Variants in GALNT13 observed in about 807,000 individuals in gnomAD.
GALNT13 encodes the protein polypeptide N-acetylgalactosaminyltransferase 13.
GALNT13 carries 28 observed loss-of-function variants against 64.2 expected under a neutral mutation model. That is an observed-to-expected ratio of 0.44 (90% CI 0.32 to 0.60). The LOEUF is 0.60. Among genes scored for constraint, GALNT13 ranks in the 20% least tolerant of loss-of-function variants. The pLI, the probability that GALNT13 is intolerant of heterozygous loss-of-function variation, is 0.05. For missense variants in GALNT13, 577 were observed against 669.8 expected (o/e 0.86, Z 1.53); for synonymous variants, 214 against 224.6 (o/e 0.95, Z 0.42).
At chr2:153,194,934 C>T in the GALNT13 span, among the ~76,000 whole-genome samples, 39 of 152,216 alleles carry the variant, frequency 2.6e-4, no homozygotes, top group Admixed American at 2.2e-3. Context: ...AATAGACTGC[C>T]GAGGCTAGTT....
chr2:154,296,220 T>A (rs115576669), intron 8 of GALNT13, among the ~76,000 whole-genome samples: 148 of 152,316 alleles, frequency 9.7e-4, no homozygotes, highest in African/African-American at 3.2e-3. Context: ...ACTGGACCTA[T>A]CAATTCTGCT....
At chr2:153,555,090 A>G in the GALNT13 span, among the ~76,000 whole-genome samples, 5 of 152,050 alleles carry the variant, frequency 3.3e-5, no homozygotes, top group Admixed American at 6.5e-5. Flanking sequence ...TTATGTTTCT[A>G]TAACTTGTAT....
chr2:153,417,720 C>T, the GALNT13 span, among the ~76,000 whole-genome samples: 2 of 151,992 alleles, frequency 1.3e-5, no homozygotes, highest in Admixed American at 1.3e-4. Flanking sequence ...TGAGAAGTTC[C>T]ACTTGGAGTA....
chr2:154,306,010 G>A (rs1280413319), intron 9 of GALNT13, among the ~76,000 whole-genome samples: 1 of 152,218 alleles, frequency 6.6e-6, no homozygotes, highest in South Asian at 2.1e-4. Context: ...TTATCCATGG[G>A]TGTCTGGTTT....
At chr2:153,227,011 A>G in the GALNT13 span, among the ~76,000 whole-genome samples, 3 of 152,294 alleles carry the variant, frequency 2.0e-5, no homozygotes, top group Admixed American at 2.0e-4. Context: ...TTTTTCTTGA[A>G]GGAGAGAGTG....
At chr2:153,568,349 C>T in the GALNT13 span, among the ~76,000 whole-genome samples, 1 of 152,092 alleles carries the variant, frequency 6.6e-6, no homozygotes, top group Non-Finnish European at 1.5e-5. Context: ...TCCCAAAGTG[C>T]TGGGATTACA....
At chr2:153,650,398 T>A in the GALNT13 span, among the ~76,000 whole-genome samples, 1 of 140,650 alleles carries the variant, frequency 7.1e-6, no homozygotes, top group Non-Finnish European at 1.5e-5. Flanking sequence ...AGCACACTGG[T>A]GGATCTTGAC....
At chr2:153,518,724 G>A in the GALNT13 span, among the ~76,000 whole-genome samples, 1 of 152,140 alleles carries the variant, frequency 6.6e-6, no homozygotes, top group Admixed American at 6.5e-5. Context: ...ATATCTATTA[G>A]ATGGTGAAAT....
chr2:153,763,300 G>A, the GALNT13 span, among the ~76,000 whole-genome samples: 1 of 152,026 alleles, frequency 6.6e-6, no homozygotes, highest in Non-Finnish European at 1.5e-5. Flanking sequence ...ATTCCGGTAG[G>A]TCAGGCCTAG....
At chr2:153,092,909 T>C in the GALNT13 span, among the ~76,000 whole-genome samples, 1 of 151,768 alleles carries the variant, frequency 6.6e-6, no homozygotes, top group Non-Finnish European at 1.5e-5. Flanking sequence ...GTGGTGACAG[T>C]GGGCATCCTT....
At chr2:153,351,701 G>T in the GALNT13 span, among the ~76,000 whole-genome samples, 1 of 152,234 alleles carries the variant, frequency 6.6e-6, no homozygotes, top group Non-Finnish European at 1.5e-5. Flanking sequence ...CAGATAGTTG[G>T]ATCACACAGT....
At chr2:154,238,676 G>A (rs1037219546) in intron 4 of GALNT13, among the ~76,000 whole-genome samples, 7 of 151,914 alleles carry the variant, frequency 4.6e-5, no homozygotes, top group African/African-American at 1.7e-4. Flanking sequence ...TACAGAAGGA[G>A]TCTTCTTTGC....
At chr2:154,075,275 TA>T (rs369711539) in intron 3 of GALNT13, among the ~76,000 whole-genome samples, 3 of 151,756 alleles carry the variant, frequency 2.0e-5, no homozygotes, top group East Asian at 3.9e-4. Flanking sequence ...AATAAGAGTT[TA>T]AAAAAAGATA....
At chr2:153,440,219 T>G in the GALNT13 span, among the ~76,000 whole-genome samples, 1 of 152,002 alleles carries the variant, frequency 6.6e-6, no homozygotes, top group Non-Finnish European at 1.5e-5. Flanking sequence ...TCTGTTCCTG[T>G]GTTAGTTTGC....
At chr2:153,132,828 C>T in the GALNT13 span, among the ~76,000 whole-genome samples, 1 of 152,100 alleles carries the variant, frequency 6.6e-6, no homozygotes, top group Admixed American at 6.5e-5. Flanking sequence ...TCATGTGATT[C>T]TCCTACCTCA....
chr2:153,468,354 T>C, the GALNT13 span, among the ~76,000 whole-genome samples: 6 of 152,070 alleles, frequency 3.9e-5, no homozygotes, highest in Admixed American at 6.6e-5. Context: ...CGTTGTAGAA[T>C]GGAAGTATGA....
At position 154,065,475 on chromosome 2, in the gene GALNT13, G is replaced by A. The variant is rs552791906; in HGVS notation, c.143-74862G>A. On this transcript the variant is annotated intron_variant, in intron 3 of 12. Transcript: ENST00000392825. ...CTGACCCAATACATTGCCAGTGGTG[G>A]TACCTGCCACCCCTCACCCAGCTCC... 2.5e-4 allele frequency among the ~76,000 whole-genome samples: 38 copies of A among 152,258 alleles called. No homozygotes were observed. The Middle Eastern group carries it at 0.01, about 41-fold the overall frequency.
chr2:153,068,711 G>A, the GALNT13 span, among the ~76,000 whole-genome samples: 2 of 152,136 alleles, frequency 1.3e-5, no homozygotes, highest in Non-Finnish European at 1.5e-5. Flanking sequence ...GTTGAGTGCT[G>A]TCCTGGATTT....
chr2:154,140,689 A>G (rs989568040), intron 4 of GALNT13, among the ~76,000 whole-genome samples, 184 bp downstream of exon 4: 5 of 152,154 alleles, frequency 3.3e-5, no homozygotes, highest in African/African-American at 1.2e-4. Flanking sequence ...TCCCTGGCAA[A>G]GAAAAATACG....
Sources: allele counts gnomAD v4.1 joint callset (sites outside exome capture counted in the v4.1 genomes callset), GRCh38; gene constraint gnomAD v4.1.1; transcripts MANE v1.5; gene names NCBI Gene and HGNC (gene_info 2026-07-23, HGNC 2026-07-21).